Variants in CEP85L observed in about 807,000 individuals in gnomAD.
CEP85L encodes centrosomal protein 85L, also known as centrosomal protein of 85 kDa-like.
In CEP85L, 60 loss-of-function variants were observed where a neutral mutation model predicts 100.3. The ratio of observed to expected loss-of-function variants is 0.60; its 90% CI spans 0.49 to 0.74. The LOEUF (loss-of-function observed/expected upper bound fraction) is 0.74, where lower values mean the gene tolerates loss of function less well. Ranked by LOEUF, CEP85L falls within the 30% of genes least tolerant of loss-of-function variation. CEP85L has a pLI of 0.00. For missense variants in CEP85L, 973 were observed against 936.2 expected, an observed-to-expected ratio of 1.04 and a Z score of -0.51; for synonymous variants, 319 against 322.7, an observed-to-expected ratio of 0.99 and a Z score of 0.12.
At chr6:118,515,758 T>C (rs574493511) in intron 4 of CEP85L, among the ~76,000 whole-genome samples, 12 of 152,332 alleles carry the variant, frequency 7.9e-5, no homozygotes, top group African/African-American at 2.6e-4. Context: ...TAGAAATTTA[T>C]TTTTTATTTT....
At chr6:118,469,416 T>C in intron 11 of CEP85L, 113 bp from the exon 12 acceptor site, 1 of 733,118 alleles carries the variant, frequency 1.4e-6, no homozygotes, top group Non-Finnish European at 2.3e-6. Context: ...GGAGTCATAT[T>C]ATATGCACAT....
Position 118,480,429 on chromosome 6 carries a change from A to T in CEP85L, c.1830T>A (p.Asp610Glu). Residue 610 changes from aspartate to glutamate, a missense_variant, in exon 9 of 13, where the codon GAT becomes GAA. By Grantham distance (45) the Asp-to-Glu change is conservative (BLOSUM62 2). Around this residue, in one of 3 missense-constraint regions of CEP85L, gnomAD observed 890 missense variants for 844.5 expected, o/e 1.05. Transcript: ENST00000368491. Reference protein sequence around the residue: ...LDAKQLQNENDNLRQQNETAS... With the variant: ...LDAKQLQNENENLRQQNETAS... The stretch of plus-strand genomic sequence containing the variant: ...CAGTCTCATTTTGTTGTCTGAGATT[A>T]TCATTTTCATTCTGAAGCTGTTTTG... The T allele has an allele frequency of 6.2e-7, 1 of 1,611,058 alleles. No homozygotes were observed. Among genetic ancestry groups the T allele is most frequent in the Non-Finnish European group, 8.5e-7 (1 of 1,177,910 alleles).
chr6:118,662,890 T>G (rs925047103), intron 1 of CEP85L, among the ~76,000 whole-genome samples: 1 of 152,210 alleles, frequency 6.6e-6, no homozygotes, highest in African/African-American at 2.4e-5. Flanking sequence ...TTGACTCTCA[T>G]GTATTCATCC....
chr6:118,464,779 C>T lies in CEP85L; in HGVS notation c.*626G>A, dbSNP rs745768829. On this transcript the variant is annotated 3_prime_UTR_variant, in exon 13 of 13. Coordinates refer to ENST00000368491, the MANE Select transcript of CEP85L (RefSeq NM_001042475.3). ...TCTGGAAAAACAGCTGACCTATCTA[C>T]AGTACTAAAATCAGCTCAACCACAA... 1 of 108,902 alleles carries T rather than the reference C, an allele frequency of 9.2e-6. No individual in the cohort carries two copies. Among genetic ancestry groups the T allele is most frequent in the Non-Finnish European group, 1.9e-5 (1 of 53,904 alleles). The allele number at this position is 108,902 out of a possible 1,614,324, so 6.7% of individuals were successfully genotyped here.
At chr6:118,592,777 CATT>C (rs1472925423) in intron 2 of CEP85L, among the ~76,000 whole-genome samples, 1 of 152,056 alleles carries the variant, frequency 6.6e-6, no homozygotes, top group Non-Finnish European at 1.5e-5. Flanking sequence ...ATGTTGGTAT[CATT>C]ATTACCAAAA....
chr6:118,477,009 G>T (rs1773432526), intron 10 of CEP85L, among the ~76,000 whole-genome samples: 1 of 152,086 alleles, frequency 6.6e-6, no homozygotes, highest in Non-Finnish European at 1.5e-5. Flanking sequence ...GCCCAATGAA[G>T]AACTCAATCA....
At chr6:118,692,731 G>T (rs990855775) in intron 1 of CEP85L, among the ~76,000 whole-genome samples, 1 of 152,150 alleles carries the variant, frequency 6.6e-6, no homozygotes, top group Non-Finnish European at 1.5e-5. Context: ...GGAAGAGATG[G>T]CAGTGAGCTA....
intron 2 of CEP85L, among the ~76,000 whole-genome samples, chr6:118,579,849 C>G (rs12209500): frequency 6.6e-6 from 1 of 152,174 alleles, no homozygotes; most frequent in Admixed American, 6.5e-5. Flanking sequence ...GGCCAGCAAG[C>G]TTTGATATGC....
At chr6:118,555,143 A>T (rs1778776284) in intron 3 of CEP85L, among the ~76,000 whole-genome samples, 1 of 152,194 alleles carries the variant, frequency 6.6e-6, no homozygotes, top group Non-Finnish European at 1.5e-5. Context: ...ATAAAAGGTG[A>T]CTACTCGGCC....
At chr6:118,543,930 AGAG>A (rs1778050919) in intron 3 of CEP85L, among the ~76,000 whole-genome samples, 1 of 152,258 alleles carries the variant, frequency 6.6e-6, no homozygotes, top group Non-Finnish European at 1.5e-5. Flanking sequence ...ATGAAAGTTA[AGAG>A]GAGAGTTGGT....
chr6:118,507,139 A>T (rs1775703290), intron 5 of CEP85L, among the ~76,000 whole-genome samples: 1 of 152,110 alleles, frequency 6.6e-6, no homozygotes. Context: ...CCAAATTTAC[A>T]ATGTGTAAGT....
intron 1 of CEP85L, among the ~76,000 whole-genome samples, chr6:118,633,234 G>A (rs914051160): frequency 4.9e-5 from 7 of 143,036 alleles, no homozygotes; most frequent in African/African-American, 7.9e-5. Context: ...GACGAGTCTC[G>A]CTGTCACCCA....
At chr6:118,492,021 T>C (rs539369246) in intron 5 of CEP85L, among the ~76,000 whole-genome samples, 156 bp from the exon 6 acceptor site, 1 of 152,308 alleles carries the variant, frequency 6.6e-6, no homozygotes, top group South Asian at 2.1e-4. Flanking sequence ...CCTAGTTATG[T>C]ACCATAATTA....
intron 10 of CEP85L, among the ~76,000 whole-genome samples, chr6:118,473,135 A>T (rs992704196): frequency 6.6e-6 from 1 of 152,216 alleles, no homozygotes; most frequent in Non-Finnish European, 1.5e-5. Context: ...TTCATGCAAA[A>T]ATCATTGCCA....
intron 3 of CEP85L, among the ~76,000 whole-genome samples, chr6:118,564,749 A>T (rs1779406131): frequency 6.6e-6 from 1 of 152,170 alleles, no homozygotes; most frequent in African/African-American, 2.4e-5. Flanking sequence ...TTATAGAATT[A>T]ATTTGTTTCA....
At chr6:118,474,251 G>A (rs1773182148) in intron 10 of CEP85L, among the ~76,000 whole-genome samples, 1 of 152,182 alleles carries the variant, frequency 6.6e-6, no homozygotes, top group Non-Finnish European at 1.5e-5. Context: ...TCTGCTTCAC[G>A]AAAGGATTCT....
chr6:118,617,422 A>G (rs536779424), intron 2 of CEP85L, among the ~76,000 whole-genome samples: 10 of 152,258 alleles, frequency 6.6e-5, no homozygotes, highest in African/African-American at 2.4e-4. Flanking sequence ...ACTGTTTGTA[A>G]GTTCTATAAG....
chr6:118,491,647 ATGTT>A (rs1774580475), intron 6 of CEP85L, 35 bp downstream of exon 6: 1 of 1,590,344 alleles, frequency 6.3e-7, no homozygotes, highest in African/African-American at 1.3e-5. Context: ...TGCTGAGGAA[ATGTT>A]GTTGACCTAA....
At chr6:118,476,927 C>A (rs1562177916) in intron 10 of CEP85L, among the ~76,000 whole-genome samples, 1 of 152,128 alleles carries the variant, frequency 6.6e-6, no homozygotes, top group Admixed American at 6.5e-5. Context: ...CAAAAGACTA[C>A]AATGATAACA....
Sources: gnomAD v4.1 joint callset for allele counts (sites outside exome capture counted in the v4.1 genomes callset) on GRCh38, gnomAD v4.1.1 for gene constraint, gnomAD v4.1.1 regional missense constraint, MANE v1.5 for transcripts, NCBI Gene and HGNC (gene_info 2026-07-23, HGNC 2026-07-21) for gene names.